Variants in USP31 observed in about 807,000 individuals in gnomAD.
The protein encoded by USP31 is ubiquitin specific peptidase 31, also known as ubiquitin carboxyl-terminal hydrolase 31.
USP31 carries 44 observed loss-of-function variants against 119.4 expected under a neutral mutation model. The observed-to-expected ratio is 0.37, with a 90% CI of 0.29 to 0.47. The LOEUF (loss-of-function observed/expected upper bound fraction) is 0.47, where lower values mean the gene tolerates loss of function less well. USP31 is among the 20% of genes least tolerant of loss of function. The probability of loss-of-function intolerance (pLI) is 0.99; values close to 1 mark genes in which losing one functional copy is unlikely to be tolerated. For synonymous variants in USP31, 749 were observed against 705.6 expected, an observed-to-expected ratio of 1.06 and a Z score of -0.97; for missense variants, 1,643 against 1,730.2, an observed-to-expected ratio of 0.95 and a Z score of 0.89.
chr16:23,113,462 G>C (rs187047143), intron 1 of USP31, among the ~76,000 whole-genome samples: 44 of 152,314 alleles, frequency 2.9e-4, no homozygotes, highest in Non-Finnish European at 4.3e-4. Flanking sequence ...AGGAGAGAGA[G>C]AGTGGCATCA....
At chr16:23,087,930 T>C in intron 7 of USP31, 95 bp from the exon 8 acceptor site, 1 of 1,090,848 alleles carries the variant, frequency 9.2e-7, no homozygotes, top group African/African-American at 1.6e-5. Context: ...GGAATCACAA[T>C]ATAATTGGCT....
At chr16:23,135,780 C>G (rs1903170827) in intron 1 of USP31, among the ~76,000 whole-genome samples, 1 of 152,134 alleles carries the variant, frequency 6.6e-6, no homozygotes, top group Non-Finnish European at 1.5e-5. Context: ...ATATTCAAGG[C>G]AATCTCTGTC....
At chr16:23,106,571 T>C in intron 2 of USP31, 84 bp from the exon 3 acceptor site, 2 of 1,329,702 alleles carry the variant, frequency 1.5e-6, no homozygotes, top group Non-Finnish European at 1.0e-6. Flanking sequence ...ACATATGATC[T>C]TGACTTCCTT....
chr16:23,144,444 T>A (rs1412562059), intron 1 of USP31, among the ~76,000 whole-genome samples: 4 of 151,952 alleles, frequency 2.6e-5, no homozygotes, highest in African/African-American at 4.8e-5. Context: ...CAGTGAGGTA[T>A]GCCTCAGGTC....
At chr16:23,106,126 AT>A in intron 4 of USP31, 86 bp downstream of exon 4, 1 of 1,342,040 alleles carries the variant, frequency 7.5e-7, no homozygotes, top group African/African-American at 1.6e-5. Flanking sequence ...ACCTGTCTAA[AT>A]AAGTAAGAAG....
intron 1 of USP31, among the ~76,000 whole-genome samples, chr16:23,121,884 T>C (rs1277829394): frequency 6.6e-6 from 1 of 152,048 alleles, no homozygotes; most frequent in East Asian, 1.9e-4. Context: ...CAAGAAATAA[T>C]GAAAAGTGAA....
chr16:23,149,000 G>A lies in USP31; in HGVS notation c.271C>T (p.Arg91Cys). The change falls in exon 1 of 16, where the codon CGC (arginine) becomes TGC (cysteine). Residue 91 changes from arginine to cysteine, a missense_variant. This residue lies in a region of USP31 where 302 missense variants were observed against 262.6 expected (regional missense o/e 1.15). Transcript: ENST00000219689. The part of the protein sequence containing the change: ...EGAAPDRGGL[R>C]SCFPPGPAAA... ...GCCGGCCCGGGCGGGAAGCAGCTGC[G>A]GAGGCCGCCGCGGTCTGGGGCGGCG... is the stretch of plus-strand genomic sequence containing the variant. The A allele has an allele frequency of 9.2e-7, 1 of 1,087,868 alleles. No individual in the cohort carries two copies. The highest frequency in any genetic ancestry group is 1.1e-6 in the Non-Finnish European group (1 of 884,050). The allele number at this position is 1,087,868 out of a possible 1,614,324, so 67.4% of individuals were successfully genotyped here. A position where few individuals can be genotyped will look rare whatever the true frequency, so the allele number is the denominator to read the frequency against.
intron 1 of USP31, among the ~76,000 whole-genome samples, chr16:23,116,259 T>C (rs1486420096): frequency 6.6e-6 from 1 of 152,232 alleles, no homozygotes; most frequent in Non-Finnish European, 1.5e-5. Context: ...CAATAGTATT[T>C]ACATTTTTAG....
intron 1 of USP31, among the ~76,000 whole-genome samples, chr16:23,139,901 C>G (rs1903303950): frequency 6.6e-6 from 1 of 152,190 alleles, no homozygotes; most frequent in South Asian, 2.1e-4. Flanking sequence ...TTCTTTATCA[C>G]CTTGGCCTGA....
At chr16:23,120,393 G>A (rs925447705) in intron 1 of USP31, among the ~76,000 whole-genome samples, 11 of 152,302 alleles carry the variant, frequency 7.2e-5, no homozygotes, top group Middle Eastern at 3.4e-3. Flanking sequence ...ATATGTCAAT[G>A]ATATCTCAGG....
chr16:23,136,902 T>C lies in USP31; in HGVS notation c.633+11736A>G, dbSNP rs79633816. Among the ~76,000 whole-genome samples the C allele has an allele frequency of 8.8e-3, 1,346 of 152,254 alleles. 22 individuals carry two copies. Among genetic ancestry groups the C allele is most frequent in the African/African-American group, 0.031 (1,279 of 41,530 alleles). On this transcript the variant is annotated intron_variant, in intron 1 of 15. Transcript: ENST00000219689. ...ACTTGAAAAGTGCATCATTATTCAT[T>C]AGGAGAATGTAAATCAAAACCACAA...
chr16:23,126,870 C>G (rs771744100), intron 1 of USP31, among the ~76,000 whole-genome samples: 6 of 152,056 alleles, frequency 3.9e-5, no homozygotes, highest in Non-Finnish European at 5.9e-5. Context: ...TAAGAGAGAA[C>G]ATGAATACAC....
intron 11 of USP31, 40 bp downstream of exon 11, chr16:23,084,820 A>T (rs749884790): frequency 1.2e-6 from 2 of 1,611,022 alleles, no homozygotes; most frequent in African/African-American, 2.7e-5. Flanking sequence ...CCCACTCCCC[A>T]CTGCCCTGAG....
Position 23,082,522 on chromosome 16 carries a change from A to G in USP31, c.1866T>C (p.Cys622=). The G allele has an allele frequency of 6.2e-7, 1 of 1,614,230 alleles. No individual in the cohort carries two copies. Among genetic ancestry groups the G allele is most frequent in the Non-Finnish European group, 8.5e-7 (1 of 1,180,042 alleles). ...APDDAWRCPH[C]KQLQQGSITL... ...TAATGCTTCCCTGCTGCAGCTGCTT[A>G]CAGTGTGGGCAACGCCAGGCATCAT... The change falls in exon 12 of 16, where the codon TGT becomes TGC. Residue 622 remains cysteine, a synonymous_variant. Coordinates refer to ENST00000219689, the MANE Select transcript of USP31 (RefSeq NM_020718.4).
In USP31 at chr16:23,074,828, A is replaced by G. The variant is rs185816737; in HGVS notation, c.2177-948T>C. On this transcript the variant is annotated intron_variant, in intron 13 of 15. Coordinates refer to ENST00000219689, the MANE Select transcript of USP31 (RefSeq NM_020718.4). ...ACAAACCCAGTCATCCTGCAAGGATATATCAAAGGGTGTTATAAGCTTGAT... is the reference window on the plus strand; with the variant it reads ...ACAAACCCAGTCATCCTGCAAGGATGTATCAAAGGGTGTTATAAGCTTGAT... Among the ~76,000 whole-genome samples, 155 of 152,368 alleles carry G rather than the reference A, an allele frequency of 1.0e-3. 2 individuals are homozygous for G. Among genetic ancestry groups the G allele is most frequent in the Non-Finnish European group, 8.2e-4 (56 of 68,030 alleles).
chr16:23,140,823 G>C (rs1903333059), intron 1 of USP31, among the ~76,000 whole-genome samples: 1 of 152,172 alleles, frequency 6.6e-6, no homozygotes, highest in African/African-American at 2.4e-5. Flanking sequence ...CAGGAAAACA[G>C]GTGGGAGTTA....
intron 13 of USP31, among the ~76,000 whole-genome samples, chr16:23,078,310 C>CAA (rs34288248): frequency 2.3e-4 from 16 of 71,026 alleles, no homozygotes; most frequent in South Asian, 1.4e-3. Flanking sequence ...GACTCCGTCG[C>CAA]AAAAAAAAAA....
Position 23,067,911 on chromosome 16 carries a change from A to ATT in USP31, c.*134_*135insAA. On this transcript the variant is annotated 3_prime_UTR_variant, in exon 16 of 16. Coordinates refer to ENST00000219689, the MANE Select transcript of USP31 (RefSeq NM_020718.4). ...TTGAATTAGACACACACACGCATAC[A>ATT]CTCACACACACACACACAGTCGGGC... 2 of 1,047,354 alleles carry ATT rather than the reference A, an allele frequency of 1.9e-6. No individual in the cohort carries two copies. Among genetic ancestry groups the ATT allele is most frequent in the Non-Finnish European group, 2.7e-6 (2 of 746,144 alleles). The allele number at this position is 1,047,354 out of a possible 1,614,324, so 64.9% of individuals were successfully genotyped here.
chr16:23,076,651 T>C (rs1209116806), intron 13 of USP31, among the ~76,000 whole-genome samples: 1 of 152,190 alleles, frequency 6.6e-6, no homozygotes, highest in Non-Finnish European at 1.5e-5. Context: ...TTTTCCAAGA[T>C]CTATTCTATA....
Sources: allele counts gnomAD v4.1 joint callset (sites outside exome capture counted in the v4.1 genomes callset), GRCh38; gene constraint gnomAD v4.1.1; regional missense constraint gnomAD v4.1.1; transcripts MANE v1.5; gene names NCBI Gene and HGNC (gene_info 2026-07-23, HGNC 2026-07-21).